Variants in APPBP2 observed in about 807,000 individuals in gnomAD.
APPBP2 encodes amyloid beta precursor protein binding protein 2, also known as amyloid protein-binding protein 2.
In APPBP2, 15 loss-of-function variants were observed where a neutral mutation model predicts 76.0. The ratio of observed to expected loss-of-function variants is 0.20; its 90% confidence interval spans 0.13 to 0.30. The LOEUF (loss-of-function observed/expected upper bound fraction) is 0.30, where lower values mean the gene tolerates loss of function less well. APPBP2 is among the 10% of genes least tolerant of loss of function. APPBP2 has a pLI of 1.00. For missense variants in APPBP2, 401 were observed against 687.2 expected, an observed-to-expected ratio of 0.58 and a Z score of 4.66; for synonymous variants, 222 against 242.2, an observed-to-expected ratio of 0.92 and a Z score of 0.77.
chr17:60,463,881 A>T (rs1004157229), intron 6 of APPBP2, 140 bp downstream of exon 6: 1 of 539,596 alleles, frequency 1.9e-6, no homozygotes, highest in Non-Finnish European at 3.1e-6. Context: ...ATTTCTAAAA[A>T]TGAGCACAGA....
At chr17:60,521,833 A>G (rs1374306206) in intron 1 of APPBP2, among the ~76,000 whole-genome samples, 1 of 152,130 alleles carries the variant, frequency 6.6e-6, no homozygotes, top group Non-Finnish European at 1.5e-5. Flanking sequence ...GTGTGGCCCA[A>G]GACAATTTAT....
At chr17:60,509,125 T>C (rs2143476922) in intron 1 of APPBP2, among the ~76,000 whole-genome samples, 1 of 152,262 alleles carries the variant, frequency 6.6e-6, no homozygotes, top group Middle Eastern at 3.4e-3. Flanking sequence ...CTCATGGCTG[T>C]AATCCCAGCA....
At chr17:60,508,562 A>G (rs571078961) in intron 1 of APPBP2, among the ~76,000 whole-genome samples, 20 of 152,342 alleles carry the variant, frequency 1.3e-4, no homozygotes, top group African/African-American at 4.3e-4. Flanking sequence ...ATCAAAGACC[A>G]GAAAGGAGCT....
chr17:60,501,385 T>C (rs548613134), intron 1 of APPBP2, among the ~76,000 whole-genome samples: 1 of 152,262 alleles, frequency 6.6e-6, no homozygotes, highest in Admixed American at 6.5e-5. Context: ...CCCGCCTCAA[T>C]GTCACCAAAT....
At chr17:60,506,582 G>A (rs546544626) in intron 1 of APPBP2, among the ~76,000 whole-genome samples, 1 of 152,150 alleles carries the variant, frequency 6.6e-6, no homozygotes, top group Non-Finnish European at 1.5e-5. Context: ...TACCTCCACA[G>A]TAGCATTAAG....
chr17:60,460,633 T>C, intron 9 of APPBP2, 30 bp downstream of exon 9: 1 of 1,595,494 alleles, frequency 6.3e-7, no homozygotes, highest in East Asian at 2.2e-5. Flanking sequence ...CAGTATTTCC[T>C]CCTTCAGAGA....
At position 60,443,848 on chromosome 17, in the gene APPBP2, G is replaced by C. The variant is rs1160420443; in HGVS notation, c.*3733C>G. ...ATAGTATTATGCAATAAATCCTAAA[G>C]CACACTCCTTCTGATTATCAACAGG... On this transcript the variant is annotated 3_prime_UTR_variant, in exon 13 of 13. Transcript: ENST00000083182. 2 of 152,620 alleles carry C rather than the reference G, an allele frequency of 1.3e-5. No homozygotes were observed. The highest frequency in any genetic ancestry group is 4.8e-5 in the African/African-American group (2 of 41,436). 9.5% of individuals were successfully genotyped at this position (152,620 alleles called of 1,614,324 possible).
chr17:60,484,167 C>T (rs960161507), intron 3 of APPBP2, among the ~76,000 whole-genome samples: 13 of 152,254 alleles, frequency 8.5e-5, no homozygotes, highest in Middle Eastern at 3.4e-3. Flanking sequence ...AGTGTGATGC[C>T]TCCAGCTTTG....
intron 1 of APPBP2, among the ~76,000 whole-genome samples, chr17:60,525,011 T>G (rs556979133): frequency 6.6e-6 from 1 of 152,356 alleles, no homozygotes; most frequent in South Asian, 2.1e-4. Flanking sequence ...TGAAACTCCT[T>G]GGAGAGTGGC....
At chr17:60,505,309 A>G (rs2090857415) in intron 1 of APPBP2, among the ~76,000 whole-genome samples, 1 of 152,212 alleles carries the variant, frequency 6.6e-6, no homozygotes, top group South Asian at 2.1e-4. Flanking sequence ...CCAATGTAGA[A>G]CATAATCCAA....
At chr17:60,475,648 TACACACACAC>T (rs72415327) in intron 4 of APPBP2, among the ~76,000 whole-genome samples, 32 of 129,262 alleles carry the variant, frequency 2.5e-4, no homozygotes, top group Middle Eastern at 7.3e-3. Context: ...CAACTCTTTA[TACACACACAC>T]ACACACACAC....
At chr17:60,480,675 T>C (rs965203291) in intron 3 of APPBP2, among the ~76,000 whole-genome samples, 5 of 152,174 alleles carry the variant, frequency 3.3e-5, no homozygotes, top group Non-Finnish European at 5.9e-5. Flanking sequence ...CTACTTATCA[T>C]CCCAACATAT....
At chr17:60,525,724 G>A in intron 1 of APPBP2, 70 bp downstream of exon 1, 3 of 1,600,432 alleles carry the variant, frequency 1.9e-6, no homozygotes, top group Non-Finnish European at 2.6e-6. Flanking sequence ...GCGGGGGTTC[G>A]CAGACGTGGA....
rs193141801 is a variant in APPBP2 at position 60,509,821 on chromosome 17, C to T, written c.139-9334G>A. Among the ~76,000 whole-genome samples the T allele has an allele frequency of 4.3e-4, 66 of 152,050 alleles. 1 individual carries two copies. The East Asian group carries it at 8.7e-3, about 20-fold the overall frequency. On this transcript the variant is annotated intron_variant, in intron 1 of 12. Transcript: ENST00000083182. ...TCTCAAAAAACACAAAAAACAACAA[C>T]AAAGAAATCATCTGATGTCTAGATT...
intron 3 of APPBP2, among the ~76,000 whole-genome samples, chr17:60,480,031 T>C (rs1015547408): frequency 1.3e-5 from 2 of 152,228 alleles, no homozygotes; most frequent in African/African-American, 2.4e-5. Context: ...GTAGTCCCTA[T>C]ACTGCAACAG....
intron 3 of APPBP2, 45 bp downstream of exon 3, chr17:60,494,421 T>G (rs2090756514): frequency 3.2e-6 from 5 of 1,580,986 alleles, no homozygotes; most frequent in Non-Finnish European, 4.3e-6. Context: ...GATTTAATTC[T>G]GAGTCCATCA....
At chr17:60,505,835 C>G (rs2090864031) in intron 1 of APPBP2, among the ~76,000 whole-genome samples, 1 of 151,670 alleles carries the variant, frequency 6.6e-6, no homozygotes, top group Non-Finnish European at 1.5e-5. Context: ...AGGCGCCCGC[C>G]ACCATGCCCA....
intron 1 of APPBP2, 80 bp downstream of exon 1, chr17:60,525,714 G>A: frequency 6.3e-7 from 1 of 1,593,976 alleles, no homozygotes; most frequent in Non-Finnish European, 8.5e-7. Context: ...GGGGTTAACT[G>A]CGGGGGTTCG....
At chr17:60,458,770 GT>G (rs1039631344) in intron 9 of APPBP2, among the ~76,000 whole-genome samples, 97 of 140,822 alleles carry the variant, frequency 6.9e-4, no homozygotes, top group Non-Finnish European at 1.2e-3. Context: ...AGAAGTTCTG[GT>G]TTTTTTTTTT....
Sources: gnomAD v4.1 joint callset for allele counts (sites outside exome capture counted in the v4.1 genomes callset) on GRCh38, gnomAD v4.1.1 for gene constraint, MANE v1.5 for transcripts, NCBI Gene and HGNC (gene_info 2026-07-23, HGNC 2026-07-21) for gene names.